The following TOX3 variants were observed in gnomAD, a reference collection of about 807,000 sequenced individuals.
The protein encoded by TOX3 is TOX high mobility group box family member 3, also known as CAG trinucleotide repeat-containing gene F9 protein.
In TOX3, 22 loss-of-function variants were observed where a neutral mutation model predicts 64.3. The ratio of observed to expected loss-of-function variants is 0.34; its 90% confidence interval spans 0.24 to 0.49. The LOEUF is 0.49. Among genes scored for constraint, TOX3 ranks in the 20% least tolerant of loss-of-function variants. TOX3 has a pLI of 0.99. For missense variants in TOX3, 661 were observed against 714.4 expected, an observed-to-expected ratio of 0.93 and a Z score of 0.85; for synonymous variants, 291 against 273.6, an observed-to-expected ratio of 1.06 and a Z score of -0.63.
At chr16:52,450,671 G>A (rs1960312588) in intron 3 of TOX3, 125 bp from the exon 4 acceptor site, 1 of 1,178,004 alleles carries the variant, frequency 8.5e-7, no homozygotes, top group African/African-American at 1.5e-5. Flanking sequence ...ACCTATTGCA[G>A]GATGATGGTC....
intron 1 of TOX3, among the ~76,000 whole-genome samples, chr16:52,510,144 TAAAA>T (rs35701412): frequency 7.2e-6 from 1 of 138,640 alleles, no homozygotes. Flanking sequence ...GCCTTGCTGT[TAAAA>T]AAAAAAAAAA....
chr16:52,444,495 G>T, intron 5 of TOX3, 139 bp from the exon 6 acceptor site: 1 of 427,934 alleles, frequency 2.3e-6, no homozygotes, highest in Non-Finnish European at 4.0e-6. Context: ...AAATGTTAGC[G>T]CATGCACACA....
chr16:52,460,148 C>A (rs2077501816), intron 3 of TOX3, among the ~76,000 whole-genome samples: 1 of 152,118 alleles, frequency 6.6e-6, no homozygotes, highest in South Asian at 2.1e-4. Context: ...TTACTTCCAT[C>A]TTTTTCAATT....
chr16:52,448,975 C>G (rs1035153862), intron 4 of TOX3, among the ~76,000 whole-genome samples: 2 of 152,204 alleles, frequency 1.3e-5, no homozygotes, highest in African/African-American at 4.8e-5. Flanking sequence ...CAAACTAAAA[C>G]CCAATTTGTC....
chr16:52,488,607 A>G (rs953184163), intron 1 of TOX3, among the ~76,000 whole-genome samples: 4 of 152,186 alleles, frequency 2.6e-5, no homozygotes, highest in African/African-American at 7.2e-5. Flanking sequence ...AAGGAAAACA[A>G]AAGTTAAAAA....
At position 52,505,292 on chromosome 16, in the gene TOX3, C is replaced by G. The variant is rs919701937; in HGVS notation, c.88-36718G>C. Among the ~76,000 whole-genome samples, 4 of 152,196 alleles carry G rather than the reference C, an allele frequency of 2.6e-5. No homozygotes were observed. The South Asian group carries it at 8.3e-4, about 32-fold the overall frequency. On this transcript the variant is annotated intron_variant, in intron 1 of 6. Coordinates refer to ENST00000219746, the MANE Select transcript of TOX3 (RefSeq NM_001080430.4). ...AAGAATCAACGCAATCAAATCGAAT[C>G]ACATAGTGATTAATTTGTGCCACCA...
intron 5 of TOX3, chr16:52,445,277 T>G (rs1378677380): frequency 6.6e-6 from 1 of 152,232 alleles, no homozygotes; most frequent in East Asian, 1.9e-4. Context: ...ATTATTCTAT[T>G]TTATCACTCA....
At chr16:52,491,049 T>A (rs533531572) in intron 1 of TOX3, among the ~76,000 whole-genome samples, 11 of 152,218 alleles carry the variant, frequency 7.2e-5, no homozygotes, top group Non-Finnish European at 1.3e-4. Flanking sequence ...CTGTCAGGGT[T>A]AAAATACTTC....
At chr16:52,452,010 C>T (rs1356377471) in intron 3 of TOX3, among the ~76,000 whole-genome samples, 1 of 152,154 alleles carries the variant, frequency 6.6e-6, no homozygotes, top group African/African-American at 2.4e-5. Context: ...CCTCCCCGTA[C>T]CAGTCATGAC....
intron 1 of TOX3, among the ~76,000 whole-genome samples, chr16:52,502,972 A>G (rs1351432835): frequency 6.6e-6 from 1 of 152,198 alleles, no homozygotes; most frequent in Non-Finnish European, 1.5e-5. Context: ...TGTTGCAACT[A>G]CACGAAAAGC....
At chr16:52,463,576 G>C (rs1285340286) in intron 3 of TOX3, among the ~76,000 whole-genome samples, 1 of 152,186 alleles carries the variant, frequency 6.6e-6, no homozygotes, top group Non-Finnish European at 1.5e-5. Context: ...TTAGGCACCT[G>C]ATAAGGACTT....
intron 2 of TOX3, among the ~76,000 whole-genome samples, chr16:52,465,005 C>CTTTTTTTTTTTTTTTTTTTTTTTTTTT: frequency 1.4e-5 from 1 of 70,942 alleles, no homozygotes; most frequent in African/African-American, 6.0e-5. Context: ...TTAATGCATT[C>CTTTTTTTTTTTTTTTTTTTTTTTTTTT]TTTTTTTTTT....
At chr16:52,547,267 G>C (rs1466904211), upstream of TOX3, 1 of 136,796 alleles carries the variant, frequency 7.3e-6, no homozygotes, top group Non-Finnish European at 1.6e-5. Flanking sequence ...CCGCCGGTGC[G>C]CTCCTCGGCC....
intron 1 of TOX3, among the ~76,000 whole-genome samples, chr16:52,495,131 C>A (rs1398151290): frequency 6.6e-6 from 1 of 152,128 alleles, no homozygotes; most frequent in African/African-American, 2.4e-5. Context: ...GCTAAACTTG[C>A]AGAATTGTTG....
intron 1 of TOX3, among the ~76,000 whole-genome samples, chr16:52,535,722 T>C (rs1962931689): frequency 6.6e-6 from 1 of 152,186 alleles, no homozygotes; most frequent in South Asian, 2.1e-4. Context: ...GCCTGAATAG[T>C]TGGATTAAAA....
intron 1 of TOX3, among the ~76,000 whole-genome samples, chr16:52,497,561 A>G (rs1182665897): frequency 2.0e-5 from 3 of 152,242 alleles, no homozygotes; most frequent in African/African-American, 4.8e-5. Flanking sequence ...CAAAATGCCA[A>G]TCAACAAGTC....
At chr16:52,514,196 G>T (rs1347383396) in intron 1 of TOX3, among the ~76,000 whole-genome samples, 1 of 152,192 alleles carries the variant, frequency 6.6e-6, no homozygotes, top group Non-Finnish European at 1.5e-5. Context: ...AAGACATGGA[G>T]CTAAATAATG....
At chr16:52,454,957 A>G (rs1278125245) in intron 3 of TOX3, among the ~76,000 whole-genome samples, 1 of 152,212 alleles carries the variant, frequency 6.6e-6, no homozygotes, top group African/African-American at 2.4e-5. Context: ...TATAGCCCAG[A>G]GAAATTTAAT....
In TOX3 at chr16:52,516,452, A is replaced by T. The variant is rs913287893; in HGVS notation, c.87+30185T>A. 5.9e-5 allele frequency among the ~76,000 whole-genome samples: 9 copies of T among 152,360 alleles called. No homozygotes were observed. The East Asian group carries it at 1.5e-3, about 26-fold the overall frequency. On this transcript the variant is annotated intron_variant, in intron 1 of 6. Coordinates refer to ENST00000219746, the MANE Select transcript of TOX3 (RefSeq NM_001080430.4). ...GCAATGAAGGAGAAAAGTTGGCAAC[A>T]GAGCCAAGTATACTTACTTTCTAAG...
Sources: allele counts gnomAD v4.1 joint callset (sites outside exome capture counted in the v4.1 genomes callset), GRCh38; gene constraint gnomAD v4.1.1; transcripts MANE v1.5; gene names NCBI Gene and HGNC (gene_info 2026-07-23, HGNC 2026-07-21).